MTHFD2L: variants seen among roughly 807,000 people sequenced by gnomAD.
MTHFD2L encodes the protein methylenetetrahydrofolate dehydrogenase (NADP+ dependent) 2 like.
A neutral mutation model predicts 34.9 loss-of-function variants in MTHFD2L; 29 were observed. The ratio of observed to expected loss-of-function variants is 0.83; its 90% CI spans 0.62 to 1.13. The LOEUF (loss-of-function observed/expected upper bound fraction) is 1.13. Ranked by LOEUF, MTHFD2L falls within the 50% of genes most tolerant of loss-of-function variation. The pLI is 0.00. For missense variants in MTHFD2L, 481 were observed against 446.5 expected (o/e 1.08, Z -0.70); for synonymous variants, 167 against 155.7 (o/e 1.07, Z -0.54).
At chr4:74,151,720 G>T (rs571202507) in intron 1 of MTHFD2L, among the ~76,000 whole-genome samples, 4 of 152,252 alleles carry the variant, frequency 2.6e-5, no homozygotes, top group Admixed American at 6.5e-5. Flanking sequence ...ATATTTTATT[G>T]GGTATTGGAT....
intron 6 of MTHFD2L, among the ~76,000 whole-genome samples, chr4:74,279,157 T>C (rs944534039): frequency 6.6e-6 from 1 of 152,092 alleles, no homozygotes; most frequent in Admixed American, 6.6e-5. Context: ...ATGAATACAT[T>C]TTTATGGTAA....
intron 6 of MTHFD2L, among the ~76,000 whole-genome samples, chr4:74,243,797 G>GCATTTTTAT (rs1742039888): frequency 1.3e-5 from 2 of 152,260 alleles, no homozygotes; most frequent in Middle Eastern, 3.4e-3. Flanking sequence ...AGTAAAGAGA[G>GCATTTTTAT]CATTTTTATT....
upstream of MTHFD2L, among the ~76,000 whole-genome samples, chr4:74,155,159 T>C (rs1724165939): frequency 1.3e-5 from 2 of 152,200 alleles, no homozygotes; most frequent in Admixed American, 1.3e-4. Flanking sequence ...GTTAGATTTT[T>C]AACCTTGCAA....
chr4:74,116,155 G>A (rs1468952794), intron 2 of MTHFD2L, among the ~76,000 whole-genome samples: 1 of 152,074 alleles, frequency 6.6e-6, no homozygotes, highest in South Asian at 2.1e-4. Flanking sequence ...GCATCATTTT[G>A]GTATTGTGTA....
intron 4 of MTHFD2L, among the ~76,000 whole-genome samples, chr4:74,200,203 C>T (rs914718235): frequency 2.6e-5 from 4 of 151,818 alleles, no homozygotes; most frequent in Non-Finnish European, 5.9e-5. Flanking sequence ...TCCCAGCTAC[C>T]TCGGAGGCTG....
At chr4:74,226,649 A>G (rs1159532012) in intron 6 of MTHFD2L, among the ~76,000 whole-genome samples, 1 of 152,160 alleles carries the variant, frequency 6.6e-6, no homozygotes, top group Non-Finnish European at 1.5e-5. Context: ...TTTTAATTAA[A>G]CGTGTACTTT....
chr4:74,177,061 G>A (rs1019105571), intron 3 of MTHFD2L, among the ~76,000 whole-genome samples: 3 of 151,810 alleles, frequency 2.0e-5, no homozygotes, highest in African/African-American at 7.3e-5. Context: ...AAGAATCTCA[G>A]AAGCTATCAG....
chr4:74,221,172 A>T (rs1049175868), intron 5 of MTHFD2L, among the ~76,000 whole-genome samples: 1 of 151,142 alleles, frequency 6.6e-6, no homozygotes, highest in African/African-American at 2.4e-5. Context: ...TTGTAATCAA[A>T]TAAAATTATA....
chr4:74,297,910 C>T (rs72654836), intron 7 of MTHFD2L, among the ~76,000 whole-genome samples: 3 of 152,224 alleles, frequency 2.0e-5, no homozygotes, highest in Non-Finnish European at 4.4e-5. Flanking sequence ...TATCCACTGG[C>T]ACTTGCCAAT....
At chr4:74,248,368 T>G (rs1331178394) in intron 6 of MTHFD2L, among the ~76,000 whole-genome samples, 1 of 152,232 alleles carries the variant, frequency 6.6e-6, no homozygotes, top group Non-Finnish European at 1.5e-5. Context: ...GATTCTTCTC[T>G]CTTTTATTCT....
rs1434715072 is a variant in MTHFD2L at position 74,199,823 on chromosome 4, G to T, written c.481G>T (p.Gly161Ter). ...DHVDERTICN[G>*]IAPEKDVDGF... ...CGTTGATGAGCGAACAATATGCAAT[G>T]GAATTGCCCCAGAAAAAGATGTAGA... The change falls in exon 4 of 8, where the codon GGA becomes TGA. Residue 161 changes from glycine (G) to a stop codon, truncating the protein, a stop_gained. Coordinates refer to ENST00000325278, the MANE Select transcript of MTHFD2L (RefSeq NM_001144978.3). LOFTEE classifies it high-confidence loss of function. 1 of 1,612,276 alleles carries T rather than the reference G, an allele frequency of 6.2e-7. No homozygotes were observed.
At chr4:74,214,319 G>A (rs531143432) in intron 5 of MTHFD2L, among the ~76,000 whole-genome samples, 13 of 151,862 alleles carry the variant, frequency 8.6e-5, no homozygotes, top group African/African-American at 2.4e-4. Flanking sequence ...CAGCCTTTTT[G>A]TGCTGGTTTT....
At chr4:74,174,938 G>T (rs1210940062) in intron 2 of MTHFD2L, among the ~76,000 whole-genome samples, 2 of 152,034 alleles carry the variant, frequency 1.3e-5, no homozygotes, top group Non-Finnish European at 2.9e-5. Flanking sequence ...CATCTAAAAG[G>T]CCTGCTTTCA....
At chr4:74,157,045 G>GT (rs1287447274), upstream of MTHFD2L, 1 of 152,008 alleles carries the variant, frequency 6.6e-6, no homozygotes, top group Non-Finnish European at 1.5e-5. Context: ...AGTTTAAATT[G>GT]TTTTTTTCTT....
At chr4:74,199,371 C>A (rs1026537462) in intron 3 of MTHFD2L, among the ~76,000 whole-genome samples, 1 of 152,098 alleles carries the variant, frequency 6.6e-6, no homozygotes, top group African/African-American at 2.4e-5. Flanking sequence ...CACTAACAAA[C>A]CCCTTTTAAT....
At chr4:74,151,238 C>T (rs1262930937) in intron 1 of MTHFD2L, among the ~76,000 whole-genome samples, 1 of 152,078 alleles carries the variant, frequency 6.6e-6, no homozygotes, top group Non-Finnish European at 1.5e-5. Context: ...CATTAATTAT[C>T]ATGAAATAAA....
chr4:74,217,389 G>T (rs1737375298), intron 5 of MTHFD2L, among the ~76,000 whole-genome samples: 2 of 151,866 alleles, frequency 1.3e-5, no homozygotes. Context: ...CAGAGATAAA[G>T]AAATATTCAA....
chr4:74,132,197 C>T (rs1301178102), intron 1 of MTHFD2L, among the ~76,000 whole-genome samples: 1 of 152,126 alleles, frequency 6.6e-6, no homozygotes, highest in Non-Finnish European at 1.5e-5. Context: ...CCTCAAGGAT[C>T]TAGAACCAGA....
chr4:74,184,429 G>A (rs1015026318), intron 3 of MTHFD2L, among the ~76,000 whole-genome samples: 4 of 152,042 alleles, frequency 2.6e-5, no homozygotes, highest in African/African-American at 9.7e-5. Flanking sequence ...GGATAAAGAG[G>A]TCATTTCATA....
Sources: gnomAD v4.1 joint callset for allele counts (sites outside exome capture counted in the v4.1 genomes callset) on GRCh38, gnomAD v4.1.1 for gene constraint, MANE v1.5 for transcripts, NCBI Gene and HGNC (gene_info 2026-07-23, HGNC 2026-07-21) for gene names.